The following GFRA1 variants were observed in gnomAD, a reference collection of about 807,000 sequenced individuals.
GFRA1 encodes the protein GDNF family receptor alpha-1.
GFRA1 carries 16 observed loss-of-function variants against 51.6 expected under a neutral mutation model. The observed-to-expected ratio is 0.31, with a 90% CI of 0.21 to 0.47. GFRA1 has a LOEUF of 0.47. Among genes scored for constraint, GFRA1 ranks in the 20% least tolerant of loss-of-function variants. The pLI is 1.00. For missense variants in GFRA1, 530 were observed against 594.3 expected, an observed-to-expected ratio of 0.89 and a Z score of 1.13; for synonymous variants, 270 against 241.3, an observed-to-expected ratio of 1.12 and a Z score of -1.10.
At chr10:116,112,738 A>G (rs1402923241) in intron 6 of GFRA1, among the ~76,000 whole-genome samples, 1 of 152,206 alleles carries the variant, frequency 6.6e-6, no homozygotes, top group Non-Finnish European at 1.5e-5. Context: ...CAGCCTGCCA[A>G]GCAGCCCCGG....
At chr10:116,068,769 G>A (rs780482273) in intron 9 of GFRA1, among the ~76,000 whole-genome samples, 3 of 152,200 alleles carry the variant, frequency 2.0e-5, no homozygotes, top group Non-Finnish European at 4.4e-5. Flanking sequence ...ACATCATCAA[G>A]CTATCACTGT....
At chr10:116,260,407 T>C (rs74158427) in intron 4 of GFRA1, among the ~76,000 whole-genome samples, 4,929 of 152,282 alleles carry the variant, frequency 0.032, 251 homozygotes, top group African/African-American at 0.11. Flanking sequence ...TGTGTCTGTA[T>C]ACGTGTTTAT....
Position 116,065,426 on chromosome 10 carries a change from A to G in GFRA1, c.1251+147T>C. The G allele has an allele frequency of 7.3e-6, 5 of 688,714 alleles. No individual in the cohort carries two copies. In the South Asian group the frequency reaches 8.0e-5, roughly 11 times the overall value. 42.7% of individuals were successfully genotyped at this position (688,714 alleles called of 1,614,324 possible). A position where few individuals can be genotyped will look rare whatever the true frequency, so the allele number is the denominator to read the frequency against. ...AATTCAAAGTCTTCACCTTGCTCAA[A>G]GGGCAGACGGTCATGGAGGGTGGCT... On this transcript the variant is annotated intron_variant, in intron 10 of 10. Transcript: ENST00000355422.
chr10:116,266,290 T>A (rs534241434), intron 4 of GFRA1, among the ~76,000 whole-genome samples: 123 of 152,330 alleles, frequency 8.1e-4, no homozygotes, highest in African/African-American at 2.6e-3. Context: ...TGCTACCATA[T>A]CTGTGAAAAG....
At chr10:116,254,087 G>A (rs957897865) in intron 4 of GFRA1, among the ~76,000 whole-genome samples, 5 of 151,970 alleles carry the variant, frequency 3.3e-5, no homozygotes, top group African/African-American at 7.2e-5. Flanking sequence ...TTGGGAGGCC[G>A]AGGCAGGCAG....
intron 4 of GFRA1, among the ~76,000 whole-genome samples, chr10:116,249,871 A>G (rs926625676): frequency 6.6e-6 from 1 of 152,226 alleles, no homozygotes; most frequent in Non-Finnish European, 1.5e-5. Context: ...TAAATCTACA[A>G]AATAGCTGAG....
chr10:116,088,889 C>G lies in GFRA1; in HGVS notation c.1197+852G>C, dbSNP rs868044725. ...TGAGCCGAGATTGCACCACTGCACTCCAGCCTGGGTGACACAGCGAGACTC... is the reference window on the plus strand; with the variant it reads ...TGAGCCGAGATTGCACCACTGCACTGCAGCCTGGGTGACACAGCGAGACTC... On this transcript the variant is annotated intron_variant, in intron 9 of 10. Transcript: ENST00000355422. Among the ~76,000 whole-genome samples, 9 of 130,496 alleles carry G rather than the reference C, an allele frequency of 6.9e-5. No homozygotes were observed. The South Asian group carries it at 1.5e-3, about 22-fold the overall frequency. The allele number at this position is 130,496 out of a possible 152,430, so 85.6% of individuals were successfully genotyped here. A position where few individuals can be genotyped will look rare whatever the true frequency, so the allele number is the denominator to read the frequency against.
chr10:116,160,479 C>T (rs1230362997), intron 5 of GFRA1, among the ~76,000 whole-genome samples: 1 of 152,178 alleles, frequency 6.6e-6, no homozygotes. Flanking sequence ...TATTCACGTC[C>T]TTGGTATTTC....
rs570529070 is a variant in GFRA1, at chr10:116,057,640, A to G, written c.*6758T>C. ...AAACTTTAAAGCAAACTCTGCAGTG[A>G]AAAGTGTTTCCCCCACTCCCTTGGG... is the stretch of plus-strand genomic sequence containing the variant. On this transcript the variant is annotated 3_prime_UTR_variant, in exon 11 of 11. Coordinates refer to ENST00000355422, the MANE Select transcript of GFRA1 (RefSeq NM_005264.8). 1 of 152,290 alleles carries G rather than the reference A, an allele frequency of 6.6e-6. No homozygotes were observed. The highest frequency in any genetic ancestry group is 2.1e-4 in the South Asian group (1 of 4,820). 9.4% of individuals were successfully genotyped at this position (152,290 alleles called of 1,614,324 possible).
intron 5 of GFRA1, among the ~76,000 whole-genome samples, chr10:116,162,950 A>G (rs1157706607): frequency 6.6e-6 from 1 of 152,170 alleles, no homozygotes; most frequent in Non-Finnish European, 1.5e-5. Flanking sequence ...GCAGAACAGG[A>G]TGGGAAGATG....
chr10:116,256,377 C>A (rs999340247), intron 4 of GFRA1, among the ~76,000 whole-genome samples: 1 of 152,166 alleles, frequency 6.6e-6, no homozygotes, highest in Non-Finnish European at 1.5e-5. Context: ...AGGGTCCACC[C>A]GGTAGGTCCT....
chr10:116,081,575 T>C (rs2133836528), intron 9 of GFRA1, among the ~76,000 whole-genome samples: 1 of 152,254 alleles, frequency 6.6e-6, no homozygotes, highest in South Asian at 2.1e-4. Context: ...CTCGGGTCTC[T>C]TGTCTGAAAA....
At chr10:116,092,545 C>G (rs1374616332) in intron 8 of GFRA1, among the ~76,000 whole-genome samples, 1 of 152,052 alleles carries the variant, frequency 6.6e-6, no homozygotes, top group African/African-American at 2.4e-5. Context: ...TAGTGCACCC[C>G]TCCCACCAGG....
At chr10:116,209,706 A>T (rs368756776) in intron 5 of GFRA1, among the ~76,000 whole-genome samples, 3 of 143,754 alleles carry the variant, frequency 2.1e-5, no homozygotes, top group East Asian at 4.2e-4. Context: ...TGTGGAGATC[A>T]CGGTTTTAGA....
intron 8 of GFRA1, 122 bp downstream of exon 8, chr10:116,093,580 C>A: frequency 1.2e-6 from 1 of 848,938 alleles, no homozygotes; most frequent in Non-Finnish European, 2.0e-6. Context: ...GAAGCAGGCA[C>A]AAGGTACAAG....
At chr10:116,116,738 T>C (rs1259772750) in intron 6 of GFRA1, among the ~76,000 whole-genome samples, 7 of 152,276 alleles carry the variant, frequency 4.6e-5, no homozygotes, top group African/African-American at 1.7e-4. Context: ...CACTCTATTA[T>C]AAGCAACGAG....
At chr10:116,093,999 T>C (rs1391575904) in intron 7 of GFRA1, among the ~76,000 whole-genome samples, 163 bp from the exon 8 acceptor site, 1 of 152,196 alleles carries the variant, frequency 6.6e-6, no homozygotes, top group Admixed American at 6.5e-5. Flanking sequence ...TCTCGGCAAT[T>C]TATCTTGAGC....
At position 116,058,582 on chromosome 10, in the gene GFRA1, TGA is replaced by T. The variant is rs1353643236; in HGVS notation, c.*5814_*5815del. 6.6e-6 allele frequency: 1 copy of T among 152,174 alleles called. No homozygotes were observed. Among genetic ancestry groups the T allele is most frequent in the Non-Finnish European group, 1.5e-5 (1 of 68,044 alleles). The allele number at this position is 152,174 out of a possible 1,614,324, so 9.4% of individuals were successfully genotyped here. A position where few individuals can be genotyped will look rare whatever the true frequency, so the allele number is the denominator to read the frequency against. ...GGCCCAGGACTTACCCCTGGGAGAC[TGA>T]GTCTCAGTTTCATGAATGATTTGTA... On this transcript the variant is annotated 3_prime_UTR_variant, in exon 11 of 11. Transcript: ENST00000355422.
intron 5 of GFRA1, among the ~76,000 whole-genome samples, chr10:116,132,101 G>A (rs1476938373): frequency 6.6e-6 from 1 of 151,972 alleles, no homozygotes; most frequent in Admixed American, 6.6e-5. Flanking sequence ...CTAGCTACTC[G>A]GGAGGCTGAG....
Sources: allele counts gnomAD v4.1 joint callset (sites outside exome capture counted in the v4.1 genomes callset), GRCh38; gene constraint gnomAD v4.1.1; transcripts MANE v1.5; gene names NCBI Gene and HGNC (gene_info 2026-07-23, HGNC 2026-07-21).